The following INPPL1 variants were observed in gnomAD, a reference collection of about 807,000 sequenced individuals.
The protein encoded by INPPL1 is phosphatidylinositol 3,4,5-trisphosphate 5-phosphatase 2.
INPPL1 carries 91 observed loss-of-function variants against 139.3 expected under a neutral mutation model. That is an observed-to-expected ratio of 0.65 (90% confidence interval 0.55 to 0.78). The LOEUF is 0.78. Ranked by LOEUF, INPPL1 falls within the 30% of genes least tolerant of loss-of-function variation. The pLI is 0.00. For synonymous variants in INPPL1, 719 were observed against 686.6 expected (o/e 1.05, Z -0.74); for missense variants, 1,411 against 1,665.6 (o/e 0.85, Z 2.66).
intron 15 of INPPL1, 47 bp from the exon 16 acceptor site, chr11:72,232,828 C>T: frequency 6.2e-7 from 1 of 1,613,620 alleles, no homozygotes; most frequent in South Asian, 1.1e-5. Flanking sequence ...TCACCCCTGG[C>T]TCTGGCTCCG....
chr11:72,228,068 TG>T lies in INPPL1; in HGVS notation c.183-120del. 7.6e-6 allele frequency: 7 copies of T among 919,448 alleles called. No individual in the cohort carries two copies. The South Asian group carries it at 9.7e-5, about 13-fold the overall frequency. The allele number at this position is 919,448 out of a possible 1,614,324, so 57.0% of individuals were successfully genotyped here. A position where few individuals can be genotyped will look rare whatever the true frequency, so the allele number is the denominator to read the frequency against. On this transcript the variant is annotated intron_variant, in intron 1 of 27. Transcript: ENST00000298229. This position sits in a 1 kb window ranked among gnomAD's most constrained non-coding sequence, Gnocchi z 5.0. ...ATTAACCCTGTGCAGCCTGGGCAGG[TG>T]GTTTTAGGGAAACCAAGCTGAGGGG...
intron 1 of INPPL1, chr11:72,227,958 G>T (rs1948720339): frequency 1.8e-6 from 1 of 564,882 alleles, no homozygotes; most frequent in South Asian, 1.9e-5. Context: ...TGGAGTCTGT[G>T]TAGGTCTGGT....
Position 72,228,713 on chromosome 11 carries a change from AC to A in INPPL1, c.398-10del. ...GGGAGGCCCAAACGGCTGCCCACTGACCCCTGCCCACAGATGGGGAGGATGA... is the reference window on the plus strand; with the variant it reads ...GGGAGGCCCAAACGGCTGCCCACTGACCCTGCCCACAGATGGGGAGGATGA... On this transcript the variant is annotated splice_polypyrimidine_tract_variant and intron_variant, in intron 3 of 27. Coordinates refer to ENST00000298229, the MANE Select transcript of INPPL1 (RefSeq NM_001567.4). This position sits in a 1 kb window ranked among gnomAD's most constrained non-coding sequence, Gnocchi z 5.0. 1 of 1,606,778 alleles carries A rather than the reference AC, an allele frequency of 6.2e-7. No individual in the cohort carries two copies. The highest frequency in any genetic ancestry group is 8.5e-7 in the Non-Finnish European group (1 of 1,176,292).
rs1355178464 is a variant in INPPL1, at chr11:72,237,567, C to CT, written c.3326dup (p.Leu1110ProfsTer9). On this transcript the variant is annotated frameshift_variant, in exon 26 of 28. Transcript: ENST00000298229. LOFTEE classifies it high-confidence loss of function. Reference sequence around the variant, plus strand: ...CCCCCAGGCCCCTCACCAGCCAGCACTTTCCTGGGGGAAGTGGCCAGTGGG... The same window carrying CT: ...CCCCCAGGCCCCTCACCAGCCAGCACTTTTCCTGGGGGAAGTGGCCAGTGGG... 8.8e-6 allele frequency: 14 copies of CT among 1,598,170 alleles called. No individual in the cohort carries two copies. Among genetic ancestry groups the CT allele is most frequent in the Non-Finnish European group, 1.2e-5 (14 of 1,169,770 alleles).
chr11:72,234,732 A>AGTGTGTGTGTGT lies in INPPL1; in HGVS notation c.2415+138_2415+149dup, dbSNP rs112903949. 148 of 528,462 alleles carry AGTGTGTGTGTGT rather than the reference A, an allele frequency of 2.8e-4. No homozygotes were observed. Among genetic ancestry groups the AGTGTGTGTGTGT allele is most frequent in the Middle Eastern group, 1.5e-3 (3 of 1,996 alleles). The allele number at this position is 528,462 out of a possible 1,614,324, so 32.7% of individuals were successfully genotyped here. A position where few individuals can be genotyped will look rare whatever the true frequency, so the allele number is the denominator to read the frequency against. On this transcript the variant is annotated intron_variant, in intron 21 of 27. Transcript: ENST00000298229. The surrounding 1 kb of genome is among the most constrained non-coding windows in gnomAD (Gnocchi z 4.2). ...GGGGCCAGCAGAGAGAGAGAGAGAG[A>AGTGTGTGTGTGT]GTGTGTGTGTGTGTGTGTGTGTGTG...
At chr11:72,236,485 A>AAG (rs1948992843) in intron 25 of INPPL1, among the ~76,000 whole-genome samples, 2 of 152,230 alleles carry the variant, frequency 1.3e-5, no homozygotes, top group Non-Finnish European at 2.9e-5. Context: ...ACCTCTTTTC[A>AAG]GCTCTGTTTA....
rs1948942113 is a variant in INPPL1 at position 72,234,902 on chromosome 11, AAATT to A, written c.2416-208_2416-205del. ...TCAGGTCCTGTGTTAGCTATTGAGA[AAATT>A]AATTAGTTACAGTGATGCTAGGTGC... On this transcript the variant is annotated intron_variant, in intron 21 of 27. Coordinates refer to ENST00000298229, the MANE Select transcript of INPPL1 (RefSeq NM_001567.4). The surrounding 1 kb of genome is among the most constrained non-coding windows in gnomAD (Gnocchi z 4.2). Among the ~76,000 whole-genome samples the A allele has an allele frequency of 6.6e-6, 1 of 152,006 alleles. No individual in the cohort carries two copies. The highest frequency in any genetic ancestry group is 2.4e-5 in the African/African-American group (1 of 41,362).
rs1234727786 is a variant in INPPL1, at chr11:72,233,525, C to G, written c.2122+3C>G. The stretch of plus-strand genomic sequence containing the variant: ...TCACATCATCTGCAATTCTTATGGT[C>G]AGAGCCTCCCGGACAGAGTGATGGG... On this transcript the variant is annotated splice_donor_region_variant and intron_variant, in intron 18 of 27. Transcript: ENST00000298229. 1.2e-6 allele frequency: 2 copies of G among 1,613,750 alleles called. No individual in the cohort carries two copies. The highest frequency in any genetic ancestry group is 2.7e-5 in the African/African-American group (2 of 75,038).
At chr11:72,236,035 T>G in intron 25 of INPPL1, 49 bp downstream of exon 25, 2 of 966,240 alleles carry the variant, frequency 2.1e-6, no homozygotes, top group Non-Finnish European at 3.1e-6. Context: ...CCCACCTCTA[T>G]CCATCACTAT....
rs370210488 is a variant in INPPL1, at chr11:72,234,285, C to T, written c.2217C>T (p.Leu739=). The change falls in exon 20 of 28, where the codon CTC becomes CTT. Residue 739 remains leucine (L), a synonymous_variant. Coordinates refer to ENST00000298229, the MANE Select transcript of INPPL1 (RefSeq NM_001567.4). This position sits in a 1 kb window ranked among gnomAD's most constrained non-coding sequence, Gnocchi z 4.2. The stretch of plus-strand genomic sequence containing the variant: ...TTCTCCTCCCTTTCTCCTCAGGGCT[C>T]TCAAAGACTTCAGACCAGGCCTACA... ...VTSQFISKKG[L]SKTSDQAYIE... 1.9e-6 allele frequency: 3 copies of T among 1,612,996 alleles called. No homozygotes were observed. The highest frequency in any genetic ancestry group is 1.7e-5 in the Admixed American group (1 of 60,024).
intron 1 of INPPL1, among the ~76,000 whole-genome samples, chr11:72,227,028 G>A (rs570144928): frequency 4.6e-5 from 7 of 152,248 alleles, no homozygotes; most frequent in Admixed American, 3.3e-4. Flanking sequence ...AGGATCAGAC[G>A]TGGGCGATCA....
chr11:72,229,945 A>T lies in INPPL1; in HGVS notation c.865A>T (p.Met289Leu). The change falls in exon 8 of 28, where the codon ATG (methionine) becomes TTG (leucine). Residue 289 changes from methionine to leucine, a missense_variant. This residue lies in a region of INPPL1 where 504 missense variants were observed against 595.6 expected (regional missense o/e 0.85). Coordinates refer to ENST00000298229, the MANE Select transcript of INPPL1 (RefSeq NM_001567.4). ...CCAGGCCCTGAAGGCCCTACAGGAC[A>T]TGAGCTCCACAGCACCCCCAGCTCC... Reference protein sequence around the residue: ...QKKALKALQDMSSTAPPAPQP... With the variant: ...QKKALKALQDLSSTAPPAPQP... The T allele has an allele frequency of 6.2e-7, 1 of 1,614,094 alleles. No homozygotes were observed. Among genetic ancestry groups the T allele is most frequent in the Non-Finnish European group, 8.5e-7 (1 of 1,179,980 alleles).
chr11:72,229,676 CAG>C lies in INPPL1; in HGVS notation c.768_769del (p.Glu258AlafsTer45), dbSNP rs746647683. On this transcript the variant is annotated frameshift_variant, in exon 7 of 28. Coordinates refer to ENST00000298229, the MANE Select transcript of INPPL1 (RefSeq NM_001567.4). LOFTEE classifies it high-confidence loss of function. ...TCCTCCCCCCAGAACCTGCCACAGA[CAG>C]GGGAGCAGGAACTAGAGAGCCTGGT... The C allele has an allele frequency of 1.3e-5, 21 of 1,613,940 alleles. No individual in the cohort carries two copies. The highest frequency in any genetic ancestry group is 1.7e-5 in the Non-Finnish European group (20 of 1,179,978).
In INPPL1 at chr11:72,232,921, G is replaced by A. The variant is rs764803992; in HGVS notation, c.1898G>A (p.Arg633Lys). The change falls in exon 16 of 28, where the codon AGG becomes AAG. Residue 633 changes from arginine (R) to lysine (K), a missense_variant. Arg to Lys is a conservative substitution (Grantham distance 26, BLOSUM62 2). Coordinates refer to ENST00000298229, the MANE Select transcript of INPPL1 (RefSeq NM_001567.4). ...AGGAAAGAGTTTGAGCCCCTCCTCA[G>A]GGTGGACCAGCTCAACCTGGAGCGG... Reference protein sequence around the residue: ...ISRKEFEPLLRVDQLNLEREK... With the variant: ...ISRKEFEPLLKVDQLNLEREK... The A allele has an allele frequency of 3.7e-6, 6 of 1,614,154 alleles. No individual in the cohort carries two copies. In the South Asian group the frequency reaches 6.6e-5, roughly 18 times the overall value.
Position 72,235,135 on chromosome 11 carries a change from A to T in INPPL1, c.2435A>T (p.Asp812Val). Residue 812 changes from aspartate (D) to valine (V), a missense_variant, in exon 22 of 28, where the codon GAT becomes GTT. Coordinates refer to ENST00000298229, the MANE Select transcript of INPPL1 (RefSeq NM_001567.4). The surrounding 1 kb of genome is among the most constrained non-coding windows in gnomAD (Gnocchi z 4.9). ...TCCCAGCTCAAACCAATTCTGGCTG[A>T]TATCGAGTACCTGCAGGACCAGCAC... ...QLPTLKPILA[D>V]IEYLQDQHLL... 6.2e-7 allele frequency: 1 copy of T among 1,613,934 alleles called. No homozygotes were observed. The highest frequency in any genetic ancestry group is 8.5e-7 in the Non-Finnish European group (1 of 1,179,970).
In INPPL1 at chr11:72,232,939, T is replaced by C. The variant is rs1948877210; in HGVS notation, c.1916T>C (p.Leu639Pro). 1 of 1,614,002 alleles carries C rather than the reference T, an allele frequency of 6.2e-7. No individual in the cohort carries two copies. Among genetic ancestry groups the C allele is most frequent in the Non-Finnish European group, 8.5e-7 (1 of 1,180,018 alleles). Residue 639 changes from leucine to proline, a missense_variant, in exon 16 of 28, where the codon CTG becomes CCG. Transcript: ENST00000298229. ...EPLLRVDQLN[L>P]EREKHKVFLR... ...CTCCTCAGGGTGGACCAGCTCAACC[T>C]GGAGCGGGAGAAGCACAAGGTCTTC...
chr11:72,235,701 G>T lies in INPPL1; in HGVS notation c.2686G>T (p.Ala896Ser), dbSNP rs556764088. 6.2e-7 allele frequency: 1 copy of T among 1,614,130 alleles called. No homozygotes were observed. Among genetic ancestry groups the T allele is most frequent in the East Asian group, 2.2e-5 (1 of 44,884 alleles). ...YEWISIDKDE[A>S]GAKSKAPSVS... is the part of the protein sequence containing the mutation. ...GTGGATCAGCATTGATAAGGATGAG[G>T]CAGGAGCAAAGAGCAAAGCCCCCTC... The change falls in exon 24 of 28, where the codon GCA becomes TCA. Residue 896 changes from alanine to serine, a missense_variant. Physicochemically the swap from Ala to Ser is moderately conservative, Grantham distance 99 (BLOSUM62 1). Around this residue, in one of 5 missense-constraint regions of INPPL1, gnomAD observed 99 missense variants for 171.6 expected, o/e 0.58. Coordinates refer to ENST00000298229, the MANE Select transcript of INPPL1 (RefSeq NM_001567.4). This position sits in a 1 kb window ranked among gnomAD's most constrained non-coding sequence, Gnocchi z 4.9.
Position 72,229,555 on chromosome 11 carries a change from G to A in INPPL1, c.750G>A (p.Gln250=), listed in dbSNP as rs1948771637. The A allele has an allele frequency of 1.2e-6, 2 of 1,614,140 alleles. No homozygotes were observed. The highest frequency in any genetic ancestry group is 1.7e-6 in the Non-Finnish European group (2 of 1,180,006). Residue 250 remains glutamine (Q), a synonymous_variant, in exon 6 of 28, where the codon CAG becomes CAA. Transcript: ENST00000298229. ...SSPMVTRLLQ[Q]QNLPQTGEQE... ...CCATGGTGACCCGCCTTTTGCAGCA[G>A]CAGGTAGATTGTAGGGAGACCTCTG...
intron 1 of INPPL1, among the ~76,000 whole-genome samples, chr11:72,226,758 G>A (rs1439735231): frequency 6.6e-6 from 1 of 152,186 alleles, no homozygotes; most frequent in African/African-American, 2.4e-5. Context: ...ATATCCCCAA[G>A]TCCTGCTTCC....
Sources: allele counts gnomAD v4.1 joint callset (sites outside exome capture counted in the v4.1 genomes callset), GRCh38; gene constraint gnomAD v4.1.1; regional missense constraint gnomAD v4.1.1; non-coding constraint Gnocchi (gnomAD v3.1); transcripts MANE v1.5; gene names NCBI Gene and HGNC (gene_info 2026-07-23, HGNC 2026-07-21).